Variants in EEIG2 observed in about 807,000 individuals in gnomAD.
EEIG2 encodes the protein EEIG family member 2.
At chr1:108,626,032 G>A in the EEIG2 span, 1 of 152,308 alleles carries the variant, frequency 6.6e-6, no homozygotes, top group East Asian at 1.9e-4. Flanking sequence ...CTGATGGCCA[G>A]TTATTCATTC....
chr1:108,587,812 G>T, the EEIG2 span, among the ~76,000 whole-genome samples: 1 of 151,944 alleles, frequency 6.6e-6, no homozygotes, highest in Non-Finnish European at 1.5e-5. Flanking sequence ...TTTTTCTCCT[G>T]TTACTTCATT....
At chr1:108,606,054 C>T in the EEIG2 span, among the ~76,000 whole-genome samples, 1 of 152,092 alleles carries the variant, frequency 6.6e-6, no homozygotes, top group Non-Finnish European at 1.5e-5. Context: ...AAATTCTGGT[C>T]ATTTGGGGGG....
chr1:108,576,103 TC>T, the EEIG2 span, among the ~76,000 whole-genome samples: 1 of 152,188 alleles, frequency 6.6e-6, no homozygotes, highest in Non-Finnish European at 1.5e-5. Context: ...CACCTCAGCC[TC>T]CCAAGTAGCT....
At chr1:108,586,986 A>G in the EEIG2 span, among the ~76,000 whole-genome samples, 1 of 152,174 alleles carries the variant, frequency 6.6e-6, no homozygotes, top group African/African-American at 2.4e-5. Context: ...ACACCAATGT[A>G]CATTTTCCTG....
chr1:108,569,946 T>G, the EEIG2 span, among the ~76,000 whole-genome samples: 1 of 152,222 alleles, frequency 6.6e-6, no homozygotes, highest in South Asian at 2.1e-4. Context: ...GGTTATTTGT[T>G]GAATGAATGA....
At chr1:108,635,452 G>C in the EEIG2 span, 1 of 295,120 alleles carries the variant, frequency 3.4e-6, no homozygotes, top group South Asian at 7.3e-5. Context: ...GGAGAAAACA[G>C]CATTATATAC....
At chr1:108,580,855 G>T in the EEIG2 span, among the ~76,000 whole-genome samples, 18 of 152,150 alleles carry the variant, frequency 1.2e-4, no homozygotes, top group Non-Finnish European at 2.2e-4. Flanking sequence ...AAGTAAGAGC[G>T]CAGCAACTTA....
At chr1:108,599,460 G>A in the EEIG2 span, among the ~76,000 whole-genome samples, 2 of 152,072 alleles carry the variant, frequency 1.3e-5, no homozygotes, top group Non-Finnish European at 2.9e-5. Flanking sequence ...CTATGTTAGA[G>A]GAATGGTTAT....
chr1:108,607,709 G>A, the EEIG2 span, among the ~76,000 whole-genome samples: 43 of 152,106 alleles, frequency 2.8e-4, no homozygotes, highest in Non-Finnish European at 5.4e-4. Flanking sequence ...GGAATAGCAG[G>A]GCATTGATTC....
the EEIG2 span, among the ~76,000 whole-genome samples, chr1:108,577,633 G>C: frequency 4.5e-5 from 3 of 66,960 alleles, no homozygotes; most frequent in African/African-American, 1.2e-4. Context: ...ATTTCTGAGG[G>C]CTCTGTTCTG....
the EEIG2 span, among the ~76,000 whole-genome samples, chr1:108,631,779 C>G: frequency 6.6e-6 from 1 of 151,748 alleles, no homozygotes; most frequent in Non-Finnish European, 1.5e-5. Flanking sequence ...CAACATACTA[C>G]AATTAGTTTG....
the EEIG2 span, among the ~76,000 whole-genome samples, chr1:108,631,668 G>A: frequency 6.6e-6 from 1 of 152,082 alleles, no homozygotes; most frequent in Non-Finnish European, 1.5e-5. Flanking sequence ...TAAACATATA[G>A]CAATTATAGG....
the EEIG2 span, among the ~76,000 whole-genome samples, chr1:108,602,982 G>T: frequency 6.6e-6 from 1 of 152,070 alleles, no homozygotes; most frequent in African/African-American, 2.4e-5. Flanking sequence ...CCCATAACAG[G>T]CCCTAAAGTA....
At chr1:108,616,388 A>G in the EEIG2 span, 9 of 1,598,340 alleles carry the variant, frequency 5.6e-6, no homozygotes, top group African/African-American at 1.2e-4. Flanking sequence ...TTAGGTTTTG[A>G]TCAGTATGCA....
the EEIG2 span, among the ~76,000 whole-genome samples, chr1:108,561,917 T>C: frequency 6.6e-6 from 1 of 152,206 alleles, no homozygotes; most frequent in African/African-American, 2.4e-5. Context: ...CTGGCGCTCC[T>C]GGGCCAGTGG....
the EEIG2 span, among the ~76,000 whole-genome samples, chr1:108,620,495 A>G: frequency 2.6e-5 from 4 of 152,206 alleles, no homozygotes; most frequent in African/African-American, 4.8e-5. Flanking sequence ...TAATAAAGAA[A>G]AAAGATATTT....
chr1:108,600,402 A>G, the EEIG2 span, among the ~76,000 whole-genome samples: 1 of 152,156 alleles, frequency 6.6e-6, no homozygotes, highest in Admixed American at 6.5e-5. Context: ...AAAGATTTTC[A>G]GATCACATTG....
chr1:108,570,070 T>C, the EEIG2 span, among the ~76,000 whole-genome samples: 1 of 152,202 alleles, frequency 6.6e-6, no homozygotes, highest in Non-Finnish European at 1.5e-5. Context: ...CATGAAAAAT[T>C]ACCATACAGT....
chr1:108,616,544 A>T, the EEIG2 span: 1 of 688,882 alleles, frequency 1.5e-6, no homozygotes. Context: ...GTTAAGGGAT[A>T]GTTTCTTCCC....
Sources: gnomAD v4.1 joint callset for allele counts (sites outside exome capture counted in the v4.1 genomes callset) on GRCh38, gnomAD v4.1.1 for gene constraint, MANE v1.5 for transcripts, NCBI Gene and HGNC (gene_info 2026-07-23, HGNC 2026-07-21) for gene names.